DACH1: variants seen among roughly 807,000 people sequenced by gnomAD.
The protein encoded by DACH1 is dachshund homolog 1.
A neutral mutation model predicts 54.2 loss-of-function variants in DACH1; 12 were observed. That is an observed-to-expected ratio of 0.22 (90% CI 0.14 to 0.36). The LOEUF is 0.36. DACH1 is among the 10% of genes least tolerant of loss of function. DACH1 has a pLI of 1.00. For synonymous variants in DACH1, 386 were observed against 366.2 expected, an observed-to-expected ratio of 1.05 and a Z score of -0.62; for missense variants, 805 against 929.8, an observed-to-expected ratio of 0.87 and a Z score of 1.75.
intron 2 of DACH1, among the ~76,000 whole-genome samples, chr13:71,659,653 C>T (rs1879367766): frequency 6.6e-6 from 1 of 152,116 alleles, no homozygotes; most frequent in South Asian, 2.1e-4. Flanking sequence ...ATTTACATAA[C>T]CACAGAGCTG....
Position 71,482,223 on chromosome 13 carries a change from T to A in DACH1, c.1723-2907A>T, listed in dbSNP as rs532211716. On this transcript the variant is annotated intron_variant, in intron 7 of 10. Coordinates refer to ENST00000613252, the MANE Select transcript of DACH1 (RefSeq NM_080759.6). The stretch of plus-strand genomic sequence containing the variant: ...TTTGTAAATTATTTTCATCATTTTT[T>A]AGAGATTGAGTTTTTTTTTTAAAGG... Among the ~76,000 whole-genome samples, 6 of 152,292 alleles carry A rather than the reference T, an allele frequency of 3.9e-5. No homozygotes were observed. In the South Asian group the frequency reaches 1.0e-3, roughly 26 times the overall value.
At chr13:71,590,703 GA>G (rs1257442651) in intron 3 of DACH1, among the ~76,000 whole-genome samples, 1 of 151,942 alleles carries the variant, frequency 6.6e-6, no homozygotes, top group Admixed American at 6.6e-5. Context: ...AAGAATGGGG[GA>G]AAAATAGGAT....
chr13:71,686,149 A>T (rs1469757990), intron 1 of DACH1, among the ~76,000 whole-genome samples: 2 of 152,188 alleles, frequency 1.3e-5, no homozygotes. Context: ...TACACTTAAT[A>T]GCTTGAATAA....
intron 4 of DACH1, among the ~76,000 whole-genome samples, chr13:71,567,311 C>T (rs1162525907): frequency 6.6e-6 from 1 of 151,932 alleles, no homozygotes; most frequent in Admixed American, 6.6e-5. Context: ...AAAAACAGTT[C>T]TATGTTATCT....
chr13:71,834,412 C>T (rs1888704116), intron 1 of DACH1, among the ~76,000 whole-genome samples: 2 of 151,998 alleles, frequency 1.3e-5, no homozygotes, highest in South Asian at 2.1e-4. Flanking sequence ...TCTCATATAA[C>T]ACGCCCGTGA....
At chr13:71,821,186 G>A (rs540073318) in intron 1 of DACH1, among the ~76,000 whole-genome samples, 1 of 152,152 alleles carries the variant, frequency 6.6e-6, no homozygotes, top group Non-Finnish European at 1.5e-5. Context: ...TTTAGTAGGT[G>A]AATCCTCTTA....
chr13:71,713,351 T>A (rs1274032569), intron 1 of DACH1, among the ~76,000 whole-genome samples: 1 of 152,048 alleles, frequency 6.6e-6, no homozygotes. Flanking sequence ...AGAGATTAAT[T>A]CAATGGTCTA....
At chr13:71,725,297 T>C (rs962136552) in intron 1 of DACH1, among the ~76,000 whole-genome samples, 1 of 151,962 alleles carries the variant, frequency 6.6e-6, no homozygotes, top group African/African-American at 2.4e-5. Context: ...TCAGCTGAGT[T>C]TCAAAAAAGA....
At chr13:71,797,947 C>A (rs1887123589) in intron 1 of DACH1, among the ~76,000 whole-genome samples, 1 of 152,052 alleles carries the variant, frequency 6.6e-6, no homozygotes, top group African/African-American at 2.4e-5. Context: ...ATTAAAGTGA[C>A]AGAACAGTTT....
chr13:71,809,385 T>G (rs1887626220), intron 1 of DACH1, among the ~76,000 whole-genome samples: 1 of 152,024 alleles, frequency 6.6e-6, no homozygotes, highest in Admixed American at 6.6e-5. Flanking sequence ...TGCCCAGGCT[T>G]GTCTCGAACA....
intron 6 of DACH1, among the ~76,000 whole-genome samples, chr13:71,499,144 C>CACAA (rs1246206493): frequency 6.6e-6 from 1 of 150,898 alleles, no homozygotes; most frequent in East Asian, 2.0e-4. Flanking sequence ...CAGACACACA[C>CACAA]ACACACACAC....
chr13:71,759,680 T>C (rs1266394654), intron 1 of DACH1, among the ~76,000 whole-genome samples: 1 of 152,216 alleles, frequency 6.6e-6, no homozygotes, highest in Non-Finnish European at 1.5e-5. Flanking sequence ...CTTGTATGCA[T>C]GTTATAATGA....
At chr13:71,789,485 T>G (rs1886747029) in intron 1 of DACH1, among the ~76,000 whole-genome samples, 1 of 152,172 alleles carries the variant, frequency 6.6e-6, no homozygotes, top group Admixed American at 6.6e-5. Flanking sequence ...TATGTGCATA[T>G]AAGTCTATAT....
At chr13:71,777,435 A>T (rs759613759) in intron 1 of DACH1, among the ~76,000 whole-genome samples, 1 of 152,162 alleles carries the variant, frequency 6.6e-6, no homozygotes, top group African/African-American at 2.4e-5. Context: ...CAAAAATTTT[A>T]TGGTACATCG....
chr13:71,779,208 T>TAC (rs1555322030), intron 1 of DACH1, among the ~76,000 whole-genome samples: 25,032 of 100,332 alleles, frequency 0.25, 3,377 homozygotes, highest in African/African-American at 0.32. Context: ...TATATATGTG[T>TAC]ATATATATAC....
intron 1 of DACH1, among the ~76,000 whole-genome samples, chr13:71,813,159 GA>G (rs1425468648): frequency 1.3e-5 from 2 of 152,210 alleles, no homozygotes; most frequent in Non-Finnish European, 2.9e-5. Flanking sequence ...CTTTCACAGA[GA>G]AGAAGAGATT....
intron 1 of DACH1, among the ~76,000 whole-genome samples, chr13:71,748,121 T>A (rs777753734): frequency 2.6e-5 from 4 of 151,604 alleles, no homozygotes; most frequent in Non-Finnish European, 5.9e-5. Flanking sequence ...GCTTTACAAA[T>A]GTATTCACAC....
At chr13:71,450,177 T>TG in intron 10 of DACH1, among the ~76,000 whole-genome samples, 1 of 151,818 alleles carries the variant, frequency 6.6e-6, no homozygotes, top group East Asian at 1.9e-4. Context: ...TACTTTTTTT[T>TG]TTTTTTTGGT....
rs1880623994 is a variant in DACH1 at position 71,509,823 on chromosome 13, G to T, written c.1571-20675C>A. Among the ~76,000 whole-genome samples the T allele has an allele frequency of 1.3e-5, 2 of 151,988 alleles. 1 individual carries two copies. Among genetic ancestry groups the T allele is most frequent in the South Asian group, 4.1e-4 (2 of 4,820 alleles). On this transcript the variant is annotated intron_variant, in intron 6 of 10. Transcript: ENST00000613252. ...TAATGGAAAAAAGAAAACATCCCTG[G>T]ATACCATCGTTCCTTCTAATTATTG...
Sources: gnomAD v4.1 joint callset for allele counts (sites outside exome capture counted in the v4.1 genomes callset) on GRCh38, gnomAD v4.1.1 for gene constraint, MANE v1.5 for transcripts, NCBI Gene and HGNC (gene_info 2026-07-23, HGNC 2026-07-21) for gene names.